The following CRACDL variants were observed in gnomAD, a reference collection of about 807,000 sequenced individuals.
The protein encoded by CRACDL is CRACD-like protein.
CRACDL carries 26 observed loss-of-function variants against 70.6 expected under a neutral mutation model. That is an observed-to-expected ratio of 0.37 (90% CI 0.27 to 0.51). The LOEUF is 0.51. Among genes scored for constraint, CRACDL ranks in the 20% least tolerant of loss-of-function variants. The probability of loss-of-function intolerance (pLI) is 0.94; values close to 1 mark genes in which losing one functional copy is unlikely to be tolerated. For synonymous variants in CRACDL, 618 were observed against 615.2 expected, an observed-to-expected ratio of 1.00 and a Z score of -0.07; for missense variants, 1,283 against 1,376.9, an observed-to-expected ratio of 0.93 and a Z score of 1.08.
chr2:98,928,934 T>C (rs1302508444), intron 1 of CRACDL, among the ~76,000 whole-genome samples: 1 of 152,048 alleles, frequency 6.6e-6, no homozygotes, highest in African/African-American at 2.4e-5. Flanking sequence ...TGATCACAGC[T>C]CAGAGACCGA....
At chr2:98,846,418 T>C (rs917034753) in intron 2 of CRACDL, among the ~76,000 whole-genome samples, 1 of 152,144 alleles carries the variant, frequency 6.6e-6, no homozygotes, top group Non-Finnish European at 1.5e-5. Flanking sequence ...GGTGAATGAA[T>C]CCATTTAGTA....
rs537734454 is a variant in CRACDL, at chr2:98,900,397, G to A, written c.-11+35541C>T. ...GGGGAGGCAGGGGGATGGAGGCTCA[G>A]TGGGAGGGGAGGCAGGAGGATGGAG... On this transcript the variant is annotated intron_variant, in intron 1 of 9. Coordinates refer to ENST00000397899, the MANE Select transcript of CRACDL (RefSeq NM_207362.3). Among the ~76,000 whole-genome samples, 94 of 151,368 alleles carry A rather than the reference G, an allele frequency of 6.2e-4. 1 individual carries two copies. The highest frequency in any genetic ancestry group is 2.2e-3 in the African/African-American group (91 of 41,136).
chr2:98,933,027 G>C (rs1421808113), intron 1 of CRACDL, among the ~76,000 whole-genome samples: 1 of 152,204 alleles, frequency 6.6e-6, no homozygotes, highest in Non-Finnish European at 1.5e-5. Flanking sequence ...GCCGAGCTCA[G>C]AACAGTAGAA....
chr2:98,855,825 T>G (rs1706677258), intron 1 of CRACDL, among the ~76,000 whole-genome samples: 1 of 151,844 alleles, frequency 6.6e-6, no homozygotes, highest in African/African-American at 2.4e-5. Context: ...AATTCTTGAG[T>G]TGAAAAGTAC....
chr2:98,898,349 GC>G (rs1708182037), intron 1 of CRACDL, among the ~76,000 whole-genome samples: 1 of 152,242 alleles, frequency 6.6e-6, no homozygotes, highest in African/African-American at 2.4e-5. Context: ...GAGAAGACAT[GC>G]CCACAGTAAA....
intron 7 of CRACDL, among the ~76,000 whole-genome samples, chr2:98,816,281 C>G (rs1704780815): frequency 6.6e-6 from 1 of 152,268 alleles, no homozygotes; most frequent in South Asian, 2.1e-4. Flanking sequence ...TATGACGTAT[C>G]AGTGGGAGAG....
chr2:98,831,575 C>G (rs1020989525), intron 5 of CRACDL, among the ~76,000 whole-genome samples: 2 of 152,230 alleles, frequency 1.3e-5, no homozygotes, highest in Non-Finnish European at 2.9e-5. Context: ...CCATCCTCCA[C>G]AGTCAGGCTT....
chr2:98,822,442 C>T lies in CRACDL; in HGVS notation c.1831G>A (p.Ala611Thr), dbSNP rs1705099434. The change falls in exon 7 of 10, where the codon GCG (alanine) becomes ACG (threonine). Residue 611 changes from alanine (A) to threonine (T), a missense_variant. Ala to Thr is a moderately conservative substitution (Grantham distance 58). Around this residue, in one of 2 missense-constraint regions of CRACDL, gnomAD observed 921 missense variants for 881.9 expected, o/e 1.04. Coordinates refer to ENST00000397899, the MANE Select transcript of CRACDL (RefSeq NM_207362.3). The surrounding 1 kb of genome is among the most constrained non-coding windows in gnomAD (Gnocchi z 4.9). ...AGACCCTGGAGGTCGTCAAGAGCCG[C>T]CTCGCTCCTCCAGACCGGGCCGCTC... is the stretch of plus-strand genomic sequence containing the variant. ...ARSGPVWRSE[A>T]ALDDLQGLPE... 1.3e-6 allele frequency: 2 copies of T among 1,483,518 alleles called. No individual in the cohort carries two copies. The highest frequency in any genetic ancestry group is 1.8e-6 in the Non-Finnish European group (2 of 1,125,148). 91.9% of individuals were successfully genotyped at this position (1,483,518 alleles called of 1,614,324 possible). A position where few individuals can be genotyped will look rare whatever the true frequency, so the allele number is the denominator to read the frequency against.
intron 1 of CRACDL, among the ~76,000 whole-genome samples, chr2:98,904,146 G>A (rs1708350024): frequency 6.6e-6 from 1 of 152,172 alleles, no homozygotes; most frequent in Admixed American, 6.5e-5. Flanking sequence ...AACACTGAGT[G>A]GTCAGACACT....
chr2:98,901,080 C>A (rs1310868689), intron 1 of CRACDL, among the ~76,000 whole-genome samples: 4 of 152,190 alleles, frequency 2.6e-5, no homozygotes, highest in African/African-American at 7.2e-5. Flanking sequence ...CGTGGCTCTG[C>A]CAGCCCTGAG....
intron 7 of CRACDL, among the ~76,000 whole-genome samples, chr2:98,815,066 C>A (rs1704727359): frequency 6.6e-6 from 1 of 151,804 alleles, no homozygotes; most frequent in Admixed American, 6.6e-5. Flanking sequence ...CAGAGAATTT[C>A]TATCTTTCCA....
chr2:98,825,119 T>A (rs113733745), intron 6 of CRACDL, among the ~76,000 whole-genome samples: 2 of 152,196 alleles, frequency 1.3e-5, no homozygotes, highest in Non-Finnish European at 2.9e-5. Context: ...AAGGTCCTTA[T>A]GGTTGGGAAG....
chr2:98,846,810 G>A lies in CRACDL; in HGVS notation c.-10C>T, dbSNP rs1437054865. 7.4e-6 allele frequency: 12 copies of A among 1,612,716 alleles called. No homozygotes were observed. The highest frequency in any genetic ancestry group is 1.1e-5 in the South Asian group (1 of 91,058). On this transcript the variant is annotated splice_region_variant and 5_prime_UTR_variant, in exon 2 of 10. Transcript: ENST00000397899. ...CCCTTGTGGAAATCATGTCAAGCTC[G>A]CTGAAATTATATGGAAATTCACGTT... is the stretch of plus-strand genomic sequence containing the variant.
intron 1 of CRACDL, among the ~76,000 whole-genome samples, chr2:98,866,351 C>T (rs1054926372): frequency 2.0e-5 from 3 of 151,950 alleles, no homozygotes; most frequent in African/African-American, 7.3e-5. Flanking sequence ...GATAACATGT[C>T]ACCAGCATAG....
chr2:98,934,587 T>G (rs1709163748), intron 1 of CRACDL, among the ~76,000 whole-genome samples: 1 of 152,184 alleles, frequency 6.6e-6, no homozygotes, highest in African/African-American at 2.4e-5. Context: ...ACGCATCCTA[T>G]GCAGCAGCTG....
At position 98,823,257 on chromosome 2, in the gene CRACDL, G is replaced by T. The variant is rs555701910; in HGVS notation, c.1016C>A (p.Pro339Gln). 5.0e-6 allele frequency: 7 copies of T among 1,405,930 alleles called. No homozygotes were observed. Among genetic ancestry groups the T allele is most frequent in the Non-Finnish European group, 9.2e-7 (1 of 1,089,298 alleles). 87.1% of individuals were successfully genotyped at this position (1,405,930 alleles called of 1,614,324 possible). Residue 339 changes from proline (P) to glutamine (Q), a missense_variant, in exon 7 of 10, where the codon CCG (proline) becomes CAG (glutamine). This residue lies in a region of CRACDL where 362 missense variants were observed against 495.0 expected (regional missense o/e 0.73). Coordinates refer to ENST00000397899, the MANE Select transcript of CRACDL (RefSeq NM_207362.3). The surrounding 1 kb of genome is among the most constrained non-coding windows in gnomAD (Gnocchi z 4.0). ...GGCCGACTCGGGCTCGGCGAGCTCC[G>T]GGGTGGCCGGGCGGCTTGAGGGGTC... ...GEDPSSRPAT[P>Q]ELAEPESAPT...
intron 1 of CRACDL, among the ~76,000 whole-genome samples, chr2:98,894,112 G>A (rs1451423969): frequency 3.3e-5 from 5 of 152,304 alleles, no homozygotes; most frequent in African/African-American, 9.6e-5. Flanking sequence ...CTCTTCCTCC[G>A]CCAGTGGCGC....
chr2:98,853,592 C>T (rs72958696), intron 1 of CRACDL, among the ~76,000 whole-genome samples: 2,060 of 152,090 alleles, frequency 0.014, 53 homozygotes, highest in African/African-American at 0.047. Flanking sequence ...AAGAATGAAG[C>T]ATAATGAATG....
chr2:98,904,896 C>T (rs1708367431), intron 1 of CRACDL, among the ~76,000 whole-genome samples: 1 of 152,154 alleles, frequency 6.6e-6, no homozygotes, highest in African/African-American at 2.4e-5. Flanking sequence ...GCGGATCCCT[C>T]CTGAATGCTT....
Sources: allele counts gnomAD v4.1 joint callset (sites outside exome capture counted in the v4.1 genomes callset), GRCh38; gene constraint gnomAD v4.1.1; regional missense constraint gnomAD v4.1.1; non-coding constraint Gnocchi (gnomAD v3.1); transcripts MANE v1.5; gene names NCBI Gene and HGNC (gene_info 2026-07-23, HGNC 2026-07-21).